Variants in CSPP1 observed in about 807,000 individuals in gnomAD.
The protein encoded by CSPP1 is centrosome and spindle pole associated protein 1, also known as centrosome and spindle pole-associated protein 1.
A neutral mutation model predicts 164.4 loss-of-function variants in CSPP1; 126 were observed. That is an observed-to-expected ratio of 0.77 (90% CI 0.66 to 0.89). The LOEUF (loss-of-function observed/expected upper bound fraction) is 0.89. CSPP1 is among the 40% of genes least tolerant of loss of function. The probability of loss-of-function intolerance (pLI) is 0.00; values close to 1 mark genes in which losing one functional copy is unlikely to be tolerated. For synonymous variants in CSPP1, 472 were observed against 476.7 expected (o/e 0.99, Z 0.13); for missense variants, 1,395 against 1,449.8 (o/e 0.96, Z 0.61).
chr8:67,133,705 C>G (rs1214064619), intron 16 of CSPP1: 2 of 152,312 alleles, frequency 1.3e-5, no homozygotes, highest in Non-Finnish European at 1.5e-5. Context: ...TGAGAGATTT[C>G]TCTGTAGGAT....
At chr8:67,164,318 A>G in intron 23 of CSPP1, 73 bp from the exon 24 acceptor site, 1 of 723,424 alleles carries the variant, frequency 1.4e-6, no homozygotes, top group Non-Finnish European at 2.5e-6. Context: ...ATTATTAGTC[A>G]GGTTGTGTTT....
At chr8:67,127,665 C>T (rs1216809868) in intron 15 of CSPP1, among the ~76,000 whole-genome samples, 1 of 152,166 alleles carries the variant, frequency 6.6e-6, no homozygotes, top group Non-Finnish European at 1.5e-5. Flanking sequence ...AGTTCTTATT[C>T]TGCCATTCTA....
chr8:67,111,616 C>T (rs186703668), intron 9 of CSPP1, among the ~76,000 whole-genome samples: 44 of 152,052 alleles, frequency 2.9e-4, no homozygotes, highest in African/African-American at 8.7e-4. Context: ...TTGAGATGCT[C>T]GTTTGCGATT....
intron 8 of CSPP1, among the ~76,000 whole-genome samples, chr8:67,103,431 T>C (rs977605627): frequency 6.6e-6 from 1 of 152,112 alleles, no homozygotes; most frequent in Non-Finnish European, 1.5e-5. Flanking sequence ...AAGAAATAAG[T>C]ATAATTTAAT....
At position 67,179,817 on chromosome 8, in the gene CSPP1, G is replaced by C. The variant is rs759465019; in HGVS notation, c.3157-46G>C. ...TTCTTAGTATAAATTTGTTGTTTTT[G>C]TACACAAAACTAATAAAAATAGTCA... On this transcript the variant is annotated intron_variant, in intron 27 of 30. Transcript: ENST00000678616. The C allele has an allele frequency of 2.2e-6, 3 of 1,347,048 alleles. No homozygotes were observed. The African/African-American group carries it at 4.3e-5, about 20-fold the overall frequency. The allele number at this position is 1,347,048 out of a possible 1,614,324, so 83.4% of individuals were successfully genotyped here.
intron 16 of CSPP1, among the ~76,000 whole-genome samples, chr8:67,133,228 CTT>C (rs1821591411): frequency 6.6e-6 from 1 of 152,206 alleles, no homozygotes; most frequent in South Asian, 2.1e-4. Context: ...TTAAAAGTGA[CTT>C]TCCAAAATGT....
At chr8:67,119,463 C>T (rs1818566999) in intron 15 of CSPP1, among the ~76,000 whole-genome samples, 1 of 152,126 alleles carries the variant, frequency 6.6e-6, no homozygotes, top group Non-Finnish European at 1.5e-5. Context: ...GAAGAACTGC[C>T]ATACTGTTGT....
chr8:67,144,434 G>A (rs117550235), intron 17 of CSPP1, among the ~76,000 whole-genome samples: 4,077 of 152,062 alleles, frequency 0.027, 86 homozygotes, highest in Middle Eastern at 0.065. Flanking sequence ...CATGAATTGG[G>A]AAATGTTTTT....
rs1376383008 is a variant in CSPP1, at chr8:67,086,050, A to G, written c.243A>G (p.Glu81=). Reference sequence around the variant, plus strand: ...GTTTACCACTTGGAGAAGACTATGAACGGAAGAAACATAAATTAAAAGAAG... The same window carrying G: ...GTTTACCACTTGGAGAAGACTATGAGCGGAAGAAACATAAATTAAAAGAAG... ...GLSLPLGEDY[E]RKKHKLKEEL... is the part of the protein sequence containing the mutation. The change falls in exon 4 of 31, where the codon GAA becomes GAG. Residue 81 remains glutamate (E), a synonymous_variant. Transcript: ENST00000678616. 6.5e-7 allele frequency: 1 copy of G among 1,530,998 alleles called. No individual in the cohort carries two copies. The highest frequency in any genetic ancestry group is 1.1e-5 in the South Asian group (1 of 89,296). 94.8% of individuals were successfully genotyped at this position (1,530,998 alleles called of 1,614,324 possible).
chr8:67,072,869 C>CA (rs58087584), intron 1 of CSPP1, among the ~76,000 whole-genome samples: 3,834 of 58,488 alleles, frequency 0.066, 191 homozygotes, highest in African/African-American at 0.16. Context: ...GAGCCTGTCT[C>CA]AAAAAAAAAA....
At chr8:67,160,021 CTTTTCT>C (rs1563715285) in intron 21 of CSPP1, among the ~76,000 whole-genome samples, 1 of 61,386 alleles carries the variant, frequency 1.6e-5, no homozygotes, top group Non-Finnish European at 2.9e-5. Context: ...CTTTTCTTTT[CTTTTCT>C]TTTCTTTTTC....
At chr8:67,094,271 CTT>C (rs762941914) in intron 6 of CSPP1, among the ~76,000 whole-genome samples, 11 of 121,470 alleles carry the variant, frequency 9.1e-5, no homozygotes, top group African/African-American at 1.2e-4. Context: ...TTTATCCTCT[CTT>C]TTTTTTTTTT....
rs146450572 is a variant in CSPP1, at chr8:67,123,445, G to A, written c.1697+4624G>A. On this transcript the variant is annotated intron_variant, in intron 15 of 30. Transcript: ENST00000678616. Reference sequence around the variant, plus strand: ...CTGTTTGCATGGTGTATGATTTTTCGTATTTACTCTCAATTTATTTGTCTT... The same window carrying A: ...CTGTTTGCATGGTGTATGATTTTTCATATTTACTCTCAATTTATTTGTCTT... Among the ~76,000 whole-genome samples the A allele has an allele frequency of 9.9e-4, 150 of 152,022 alleles. No homozygotes were observed. In the South Asian group the frequency reaches 0.01, roughly 10 times the overall value.
intron 4 of CSPP1, chr8:67,086,877 G>GT (rs780519741): frequency 6.6e-6 from 8 of 1,212,136 alleles, no homozygotes; most frequent in African/African-American, 4.8e-5. Context: ...TCCTCCTTCA[G>GT]TTTTTTCTTT....
At chr8:67,135,353 G>T (rs370188536) in intron 16 of CSPP1, 1 of 151,952 alleles carries the variant, frequency 6.6e-6, no homozygotes, top group East Asian at 1.9e-4. Context: ...GTAGAGGTGG[G>T]GTTTCACCAT....
intron 16 of CSPP1, among the ~76,000 whole-genome samples, chr8:67,136,446 G>A (rs562953010): frequency 6.6e-6 from 1 of 151,876 alleles, no homozygotes; most frequent in South Asian, 2.1e-4. Flanking sequence ...GCAGGCTCCT[G>A]TAGTCCCAGC....
Position 67,095,326 on chromosome 8 carries a change from C to A in CSPP1, c.517C>A (p.Gln173Lys). 2 of 1,574,522 alleles carry A rather than the reference C, an allele frequency of 1.3e-6. No homozygotes were observed. The highest frequency in any genetic ancestry group is 2.4e-5 in the South Asian group (2 of 84,186). ...TCAGAGAAATAAAAAACCTATTGGT[C>A]AAGTTAAGCCTGATCTAACTTCACA... ...KSQRNKKPIG[Q>K]VKPDLTSQIQ... Residue 173 changes from glutamine to lysine, a missense_variant, in exon 7 of 31, where the codon CAA (glutamine) becomes AAA (lysine). Physicochemically the swap from Gln to Lys is moderately conservative, Grantham distance 53 (BLOSUM62 1). Coordinates refer to ENST00000678616, the MANE Select transcript of CSPP1 (RefSeq NM_001382391.1).
chr8:67,094,947 T>C (rs1372110289), intron 6 of CSPP1, among the ~76,000 whole-genome samples: 1 of 152,216 alleles, frequency 6.6e-6, no homozygotes, highest in Non-Finnish European at 1.5e-5. Flanking sequence ...GTTTTGGAGA[T>C]ATGGCTTCTT....
chr8:67,193,784 A>G (rs1355804238), intron 30 of CSPP1, among the ~76,000 whole-genome samples, 182 bp downstream of exon 30: 2 of 152,204 alleles, frequency 1.3e-5, no homozygotes, highest in Non-Finnish European at 2.9e-5. Context: ...TTTGCATCAG[A>G]TTTTCTCTAT....
Sources: allele counts gnomAD v4.1 joint callset (sites outside exome capture counted in the v4.1 genomes callset), GRCh38; gene constraint gnomAD v4.1.1; transcripts MANE v1.5; gene names NCBI Gene and HGNC (gene_info 2026-07-23, HGNC 2026-07-21).